Variants in PRELID2 observed in about 807,000 individuals in gnomAD.
PRELID2 encodes PRELI domain containing 2, also known as PRELI domain-containing protein 2.
In PRELID2, 25 loss-of-function variants were observed where a neutral mutation model predicts 28.4. The observed-to-expected ratio is 0.88, with a 90% CI of 0.64 to 1.23. The LOEUF is 1.23. PRELID2 is among the 50% of genes most tolerant of loss of function. PRELID2 has a pLI of 0.00. For synonymous variants in PRELID2, 76 were observed against 71.6 expected (o/e 1.06, Z -0.31); for missense variants, 201 against 214.4 (o/e 0.94, Z 0.39).
rs187242749 is a variant in PRELID2 at position 145,817,196 on chromosome 5, A to T, written c.368+698T>A. Reference sequence around the variant, plus strand: ...ACAGAGCAAGACTGCATTTCAAAAAAAAATAAATAAATAAATAAAAAAAAA... The same window carrying T: ...ACAGAGCAAGACTGCATTTCAAAAATAAATAAATAAATAAATAAAAAAAAA... On this transcript the variant is annotated intron_variant, in intron 4 of 6. Coordinates refer to ENST00000683046, the MANE Select transcript of PRELID2 (RefSeq NM_205846.3). Among the ~76,000 whole-genome samples the T allele has an allele frequency of 6.1e-3, 525 of 85,488 alleles. 32 individuals are homozygous for T. The highest frequency in any genetic ancestry group is 0.043 in the East Asian group (143 of 3,356). The allele number at this position is 85,488 out of a possible 152,430, so 56.1% of individuals were successfully genotyped here. A position where few individuals can be genotyped will look rare whatever the true frequency, so the allele number is the denominator to read the frequency against.
chr5:145,719,943 G>A (rs1755942795), intron 1 of PRELID2, among the ~76,000 whole-genome samples: 1 of 151,232 alleles, frequency 6.6e-6, no homozygotes, highest in Admixed American at 6.6e-5. Context: ...AGAGTTGATT[G>A]AAAAAAAGAA....
intron 1 of PRELID2, among the ~76,000 whole-genome samples, chr5:145,625,894 G>T (rs1335633680): frequency 1.3e-5 from 2 of 152,064 alleles, no homozygotes. Flanking sequence ...ATAACTAACT[G>T]ATCTTTGACA....
intron 1 of PRELID2, among the ~76,000 whole-genome samples, chr5:145,699,104 C>T (rs1755348989): frequency 1.3e-5 from 2 of 152,092 alleles, no homozygotes; most frequent in Non-Finnish European, 2.9e-5. Context: ...CACAAACATT[C>T]GGTCCATACC....
intron 1 of PRELID2, among the ~76,000 whole-genome samples, chr5:145,546,300 T>C (rs1339934471): frequency 6.6e-6 from 1 of 152,150 alleles, no homozygotes; most frequent in Non-Finnish European, 1.5e-5. Flanking sequence ...TAATACTCAA[T>C]ATCTCTAATA....
chr5:145,461,340 G>A, the PRELID2 span, among the ~76,000 whole-genome samples: 104 of 4,160 alleles, frequency 0.025, 2 homozygotes, highest in African/African-American at 0.11. Context: ...TCGCTCTGTC[G>A]CCCAGGCTGG....
Position 145,759,867 on chromosome 5 carries a change from CTTCAT to C in PRELID2, c.*664_*668del, listed in dbSNP as rs200827520. On this transcript the variant is annotated 3_prime_UTR_variant, in exon 7 of 7. Coordinates refer to ENST00000683046, the MANE Select transcript of PRELID2 (RefSeq NM_205846.3). ...GCAGAAAAGAAACTGCCTTCCCACT[CTTCAT>C]TTCATTTTTTTTTTTCCAGAGGACC... 5.5e-5 allele frequency: 8 copies of C among 144,604 alleles called. No individual in the cohort carries two copies. Among genetic ancestry groups the C allele is most frequent in the African/African-American group, 1.1e-4 (4 of 36,962 alleles). The allele number at this position is 144,604 out of a possible 1,614,324, so 9.0% of individuals were successfully genotyped here.
intron 1 of PRELID2, among the ~76,000 whole-genome samples, chr5:145,723,360 A>T (rs1756043993): frequency 6.6e-6 from 1 of 152,214 alleles, no homozygotes; most frequent in Non-Finnish European, 1.5e-5. Context: ...TTGGGTGCAC[A>T]GACCAGGACT....
At chr5:145,462,955 G>C in the PRELID2 span, among the ~76,000 whole-genome samples, 2 of 152,092 alleles carry the variant, frequency 1.3e-5, no homozygotes, top group African/African-American at 4.8e-5. Flanking sequence ...TGCTTTGACT[G>C]TACCTTCTGC....
intron 1 of PRELID2, among the ~76,000 whole-genome samples, chr5:145,504,297 A>G (rs1483266056): frequency 2.0e-5 from 3 of 152,204 alleles, no homozygotes; most frequent in African/African-American, 7.2e-5. Context: ...CCAGAGGTTG[A>G]TATGAAGATT....
At position 145,740,938 on chromosome 5, in the gene PRELID2, G is replaced by T. The variant is rs1229479675; in HGVS notation, n.70+23993C>A. Among the ~76,000 whole-genome samples the T allele has an allele frequency of 6.4e-5, 2 of 31,030 alleles. 1 individual carries two copies. Among genetic ancestry groups the T allele is most frequent in the Non-Finnish European group, 1.7e-4 (2 of 11,796 alleles). The allele number at this position is 31,030 out of a possible 152,430, so 20.4% of individuals were successfully genotyped here. Reference sequence around the variant, plus strand: ...CATATATTTATCGATAAATATATATGTACATATATTTATCTATAAATAAAG... The same window carrying T: ...CATATATTTATCGATAAATATATATTTACATATATTTATCTATAAATAAAG... On this transcript the variant is annotated intron_variant and non_coding_transcript_variant, in intron 1 of 2. Coordinates refer to the PRELID2 transcript ENST00000510259.
At chr5:145,246,815 T>C in the PRELID2 span, among the ~76,000 whole-genome samples, 1 of 152,196 alleles carries the variant, frequency 6.6e-6, no homozygotes, top group Admixed American at 6.5e-5. Context: ...CCTTGTTCAT[T>C]CCTGGGTGTA....
chr5:145,262,366 T>G, the PRELID2 span, among the ~76,000 whole-genome samples: 1 of 151,878 alleles, frequency 6.6e-6, no homozygotes, highest in African/African-American at 2.4e-5. Context: ...AAAAGATCAT[T>G]GCCTCAGCAC....
chr5:145,598,621 G>A (rs1456534698), intron 1 of PRELID2, among the ~76,000 whole-genome samples: 2 of 152,174 alleles, frequency 1.3e-5, no homozygotes, highest in African/African-American at 2.4e-5. Flanking sequence ...CCTCACTGTT[G>A]TGGCACAGTA....
At chr5:145,618,954 G>T (rs1320120614) in intron 1 of PRELID2, among the ~76,000 whole-genome samples, 1 of 147,052 alleles carries the variant, frequency 6.8e-6, no homozygotes, top group African/African-American at 2.7e-5. Flanking sequence ...AGGTTGTCAG[G>T]GTAAGTGGGG....
chr5:145,267,935 T>TG, the PRELID2 span, among the ~76,000 whole-genome samples: 217 of 152,266 alleles, frequency 1.4e-3, 1 homozygote, highest in African/African-American at 5.0e-3. Context: ...TATAACTGTT[T>TG]ACCATTTGTA....
chr5:145,539,627 T>C (rs74926596), intron 1 of PRELID2, among the ~76,000 whole-genome samples: 1,802 of 152,024 alleles, frequency 0.012, 18 homozygotes, highest in Middle Eastern at 0.075. Context: ...ACAAATACAT[T>C]ATAAAAATTA....
chr5:145,383,898 G>A, the PRELID2 span, among the ~76,000 whole-genome samples: 1 of 151,764 alleles, frequency 6.6e-6, no homozygotes, highest in Non-Finnish European at 1.5e-5. Flanking sequence ...ATATATATAT[G>A]TGTGTGTGTA....
the PRELID2 span, among the ~76,000 whole-genome samples, chr5:145,288,532 T>C: frequency 6.6e-6 from 1 of 152,150 alleles, no homozygotes; most frequent in Non-Finnish European, 1.5e-5. Flanking sequence ...ATCAGTCATT[T>C]CTGCAAAGAG....
At chr5:145,231,898 T>G in the PRELID2 span, among the ~76,000 whole-genome samples, 1 of 152,084 alleles carries the variant, frequency 6.6e-6, no homozygotes, top group Non-Finnish European at 1.5e-5. Flanking sequence ...CCAAAATGAA[T>G]ATTCTTCTCT....
Sources: allele counts gnomAD v4.1 joint callset (sites outside exome capture counted in the v4.1 genomes callset), GRCh38; gene constraint gnomAD v4.1.1; transcripts MANE v1.5; gene names NCBI Gene and HGNC (gene_info 2026-07-23, HGNC 2026-07-21).